Variants in SPAG16 observed in about 807,000 individuals in gnomAD.
The protein encoded by SPAG16 is sperm-associated antigen 16 protein.
A neutral mutation model predicts 80.4 loss-of-function variants in SPAG16; 86 were observed. The ratio of observed to expected loss-of-function variants is 1.07; its 90% CI spans 0.90 to 1.28. The LOEUF (loss-of-function observed/expected upper bound fraction) is 1.28. Ranked by LOEUF, SPAG16 falls within the 50% of genes most tolerant of loss-of-function variation. The pLI, the probability that SPAG16 is intolerant of heterozygous loss-of-function variation, is 0.00. For synonymous variants in SPAG16, 294 were observed against 265.9 expected (o/e 1.11, Z -1.03); for missense variants, 870 against 765.3 (o/e 1.14, Z -1.61).
At chr2:213,899,571 G>T (rs1246729242) in intron 11 of SPAG16, among the ~76,000 whole-genome samples, 2 of 152,066 alleles carry the variant, frequency 1.3e-5, no homozygotes, top group African/African-American at 4.8e-5. Flanking sequence ...CATGACACAT[G>T]AATTCAGTTT....
intron 15 of SPAG16, among the ~76,000 whole-genome samples, chr2:214,247,910 C>G (rs1689965784): frequency 6.6e-6 from 1 of 151,862 alleles, no homozygotes; most frequent in Non-Finnish European, 1.5e-5. Context: ...CACCTATAAT[C>G]CAAGCTACTC....
chr2:213,833,439 G>C (rs1203380495), intron 10 of SPAG16, among the ~76,000 whole-genome samples: 1 of 5,676 alleles, frequency 1.8e-4, no homozygotes, highest in African/African-American at 3.1e-4. Flanking sequence ...GTATGTGTGT[G>C]TGTATATATA....
At chr2:214,409,868 T>C (rs750823046) in intron 15 of SPAG16, among the ~76,000 whole-genome samples, 21 of 152,198 alleles carry the variant, frequency 1.4e-4, no homozygotes, top group Non-Finnish European at 2.1e-4. Flanking sequence ...TATAAAAGAA[T>C]AGTAGGATGT....
At chr2:213,445,928 C>A (rs2071281743) in intron 9 of SPAG16, among the ~76,000 whole-genome samples, 1 of 152,174 alleles carries the variant, frequency 6.6e-6, no homozygotes, top group African/African-American at 2.4e-5. Context: ...GAGAACCAAG[C>A]TGCAGACCTG....
At chr2:214,116,019 G>C (rs185087739) in intron 14 of SPAG16, among the ~76,000 whole-genome samples, 182 of 152,264 alleles carry the variant, frequency 1.2e-3, no homozygotes, top group Non-Finnish European at 1.9e-3. Flanking sequence ...AGACTTAGGA[G>C]GATTATTTTG....
chr2:214,112,293 T>C (rs1257307547), intron 14 of SPAG16, among the ~76,000 whole-genome samples: 1 of 152,188 alleles, frequency 6.6e-6, no homozygotes, highest in East Asian at 1.9e-4. Flanking sequence ...TTCTGTTGAT[T>C]TGGGGTGGAG....
chr2:213,818,647 C>T (rs1209442712), intron 10 of SPAG16, among the ~76,000 whole-genome samples: 2 of 152,068 alleles, frequency 1.3e-5, no homozygotes, highest in Non-Finnish European at 2.9e-5. Context: ...CATAAATAAA[C>T]ATACATTATA....
chr2:213,731,140 A>C (rs1388033038), intron 10 of SPAG16, among the ~76,000 whole-genome samples: 1 of 145,822 alleles, frequency 6.9e-6, no homozygotes, highest in Admixed American at 7.2e-5. Flanking sequence ...TCCAACATCT[A>C]CATTATATCT....
At position 214,136,020 on chromosome 2, in the gene SPAG16, G is replaced by A. The variant is rs189590332; in HGVS notation, c.1594-13120G>A. On this transcript the variant is annotated intron_variant, in intron 14 of 15. Coordinates refer to ENST00000331683, the MANE Select transcript of SPAG16 (RefSeq NM_024532.5). Reference sequence around the variant, plus strand: ...GGGAGCCTCCACTCATGGCAGAAGAGGAAGGGGAGCTGACAGGTAGAGAAG... The same window carrying A: ...GGGAGCCTCCACTCATGGCAGAAGAAGAAGGGGAGCTGACAGGTAGAGAAG... 7.9e-5 allele frequency among the ~76,000 whole-genome samples: 12 copies of A among 152,254 alleles called. No homozygotes were observed. The East Asian group carries it at 2.3e-3, about 29-fold the overall frequency.
At chr2:214,396,117 C>G (rs1701356769) in intron 15 of SPAG16, among the ~76,000 whole-genome samples, 1 of 152,128 alleles carries the variant, frequency 6.6e-6, no homozygotes, top group South Asian at 2.1e-4. Context: ...CTGCTTTCCA[C>G]AATGTTGGCC....
At chr2:213,303,403 A>G (rs2062821517) in intron 3 of SPAG16, among the ~76,000 whole-genome samples, 1 of 151,994 alleles carries the variant, frequency 6.6e-6, no homozygotes, top group East Asian at 1.9e-4. Context: ...TTATATTACA[A>G]ACAATCCAAT....
intron 12 of SPAG16, among the ~76,000 whole-genome samples, chr2:213,992,974 A>G (rs939494232): frequency 1.2e-4 from 18 of 152,202 alleles, no homozygotes; most frequent in African/African-American, 4.1e-4. Context: ...GGTCATACCA[A>G]AAGGATGAAC....
rs143793350 is a variant in SPAG16, at chr2:213,871,029, TA to T, written c.1214+8403del. Among the ~76,000 whole-genome samples the T allele has an allele frequency of 5.5e-3, 834 of 152,248 alleles. 13 individuals carry two copies. Among genetic ancestry groups the T allele is most frequent in the East Asian group, 0.042 (217 of 5,186 alleles). Reference sequence around the variant, plus strand: ...TTTCATGCTCCCAGAAGGTATTATGTAATTTTAGGGACATACTCACAAATAT... The same window carrying T: ...TTTCATGCTCCCAGAAGGTATTATGTATTTTAGGGACATACTCACAAATAT... On this transcript the variant is annotated intron_variant, in intron 11 of 15. Coordinates refer to ENST00000331683, the MANE Select transcript of SPAG16 (RefSeq NM_024532.5).
At chr2:214,035,270 G>A (rs899943520) in intron 13 of SPAG16, among the ~76,000 whole-genome samples, 8 of 152,066 alleles carry the variant, frequency 5.3e-5, no homozygotes, top group Admixed American at 2.6e-4. Context: ...TCCCACTCGC[G>A]TCCATGGGCC....
At chr2:213,962,391 C>G (rs2044487721) in intron 12 of SPAG16, among the ~76,000 whole-genome samples, 2 of 152,204 alleles carry the variant, frequency 1.3e-5, no homozygotes, top group Non-Finnish European at 1.5e-5. Flanking sequence ...GATGGGGTTT[C>G]ACCGTGTTAA....
At chr2:213,796,440 G>C (rs1015864269) in intron 10 of SPAG16, among the ~76,000 whole-genome samples, 1 of 152,052 alleles carries the variant, frequency 6.6e-6, no homozygotes, top group South Asian at 2.1e-4. Flanking sequence ...CGTCTTCAAA[G>C]TTCATTCACG....
chr2:213,932,796 A>C (rs2078822429), intron 12 of SPAG16, among the ~76,000 whole-genome samples: 1 of 152,218 alleles, frequency 6.6e-6, no homozygotes, highest in Admixed American at 6.5e-5. Context: ...ACTGAGTGCT[A>C]ATCAGAATCT....
intron 11 of SPAG16, among the ~76,000 whole-genome samples, chr2:213,926,919 T>A (rs1306105725): frequency 6.6e-6 from 1 of 152,206 alleles, no homozygotes; most frequent in Non-Finnish European, 1.5e-5. Flanking sequence ...AGCGTGGATC[T>A]ACATTATTAG....
chr2:213,768,413 GCT>G (rs1469549294), intron 10 of SPAG16, among the ~76,000 whole-genome samples: 4 of 152,144 alleles, frequency 2.6e-5, no homozygotes, highest in African/African-American at 9.7e-5. Flanking sequence ...TACTCTGAAA[GCT>G]CTGTTGTGAA....
Sources: allele counts gnomAD v4.1 joint callset (sites outside exome capture counted in the v4.1 genomes callset), GRCh38; gene constraint gnomAD v4.1.1; transcripts MANE v1.5; gene names NCBI Gene and HGNC (gene_info 2026-07-23, HGNC 2026-07-21).